CLUH: variants seen among roughly 807,000 people sequenced by gnomAD.
The protein encoded by CLUH is clustered mitochondria protein homolog.
A neutral mutation model predicts 139.3 loss-of-function variants in CLUH; 77 were observed. The ratio of observed to expected loss-of-function variants is 0.55; its 90% confidence interval spans 0.46 to 0.67. The LOEUF is 0.67. CLUH is among the 30% of genes least tolerant of loss of function. The pLI is 0.00. For missense variants in CLUH, 1,876 were observed against 1,875.8 expected (o/e 1.00, Z 0.00); for synonymous variants, 999 against 801.6 (o/e 1.25, Z -4.16).
chr17:2,709,971 C>T (rs1396853117), intron 1 of CLUH, among the ~76,000 whole-genome samples: 1 of 151,756 alleles, frequency 6.6e-6, no homozygotes, highest in East Asian at 1.9e-4. Flanking sequence ...CCCCCCACCC[C>T]CAGCAGAGTT....
rs952288601 is a variant in CLUH at position 2,707,201 on chromosome 17, C to T, written c.101-2637G>A. 7.1e-6 allele frequency: 7 copies of T among 985,314 alleles called. No homozygotes were observed. Among genetic ancestry groups the T allele is most frequent in the African/African-American group, 3.5e-5 (2 of 57,244 alleles). The allele number at this position is 985,314 out of a possible 1,614,324, so 61.0% of individuals were successfully genotyped here. A position where few individuals can be genotyped will look rare whatever the true frequency, so the allele number is the denominator to read the frequency against. On this transcript the variant is annotated intron_variant, in intron 1 of 25. Transcript: ENST00000651024. The surrounding 1 kb of genome is among the most constrained non-coding windows in gnomAD (Gnocchi z 7.4). The stretch of plus-strand genomic sequence containing the variant: ...GTGCAGTTGGCAGCTGCCCTCCCCT[C>T]GGCTCTGGAGTCTCAGGATGGCCGT...
Position 2,707,465 on chromosome 17 carries a change from G to T in CLUH, c.101-2901C>A. ...CGGCTGTGGGCCAGGAGAACCCGGTGGCCCCAGGACCCCAGGGGGAGCTGC... is the reference window on the plus strand; with the variant it reads ...CGGCTGTGGGCCAGGAGAACCCGGTTGCCCCAGGACCCCAGGGGGAGCTGC... On this transcript the variant is annotated intron_variant, in intron 1 of 25. Transcript: ENST00000651024. This position sits in a 1 kb window ranked among gnomAD's most constrained non-coding sequence, Gnocchi z 7.4. The T allele has an allele frequency of 1.0e-6, 1 of 985,408 alleles. No homozygotes were observed. The highest frequency in any genetic ancestry group is 1.2e-6 in the Non-Finnish European group (1 of 829,910). The allele number at this position is 985,408 out of a possible 1,614,324, so 61.0% of individuals were successfully genotyped here.
Position 2,690,564 on chromosome 17 carries a change from C to T in CLUH, c.*30G>A, listed in dbSNP as rs1352134771. On this transcript the variant is annotated 3_prime_UTR_variant, in exon 26 of 26. Transcript: ENST00000651024. ...CAGTCGGGCTCCCTGGTGACGGGGC[C>T]GCTGGCTGGCTGTCCGTCTGGCTCC... is the stretch of plus-strand genomic sequence containing the variant. 10 of 1,422,372 alleles carry T rather than the reference C, an allele frequency of 7.0e-6. No homozygotes were observed. The highest frequency in any genetic ancestry group is 2.9e-5 in the Admixed American group (1 of 34,026). 88.1% of individuals were successfully genotyped at this position (1,422,372 alleles called of 1,614,324 possible).
chr17:2,697,081 G>A, intron 10 of CLUH, 139 bp from the exon 11 acceptor site: 1 of 648,944 alleles, frequency 1.5e-6, no homozygotes, highest in Non-Finnish European at 2.6e-6. Context: ...AGTCAACGCA[G>A]AAAAACCAAG....
chr17:2,702,811 G>A (rs1289300986), intron 3 of CLUH, among the ~76,000 whole-genome samples: 4 of 151,828 alleles, frequency 2.6e-5, no homozygotes, highest in East Asian at 3.9e-4. Flanking sequence ...TTAGAATCAC[G>A]GCTCTGTTCT....
At chr17:2,702,692 G>A (rs368445841) in intron 3 of CLUH, among the ~76,000 whole-genome samples, 1 of 152,098 alleles carries the variant, frequency 6.6e-6, no homozygotes, top group Non-Finnish European at 1.5e-5. Flanking sequence ...CCCCGTGCCC[G>A]ACCTCCCCAC....
At chr17:2,696,690 T>G (rs367931366) in intron 11 of CLUH, 29 bp downstream of exon 11, 1 of 1,606,880 alleles carries the variant, frequency 6.2e-7, no homozygotes, top group Non-Finnish European at 8.5e-7. Context: ...CAGCCCGGGC[T>G]CTCTCCCGGC....
intron 25 of CLUH, 143 bp downstream of exon 25, chr17:2,691,466 G>A (rs2069629768): frequency 1.3e-6 from 1 of 787,792 alleles, no homozygotes; most frequent in Non-Finnish European, 2.1e-6. Context: ...GGAGGCTGAG[G>A]CAGGAGAATC....
chr17:2,701,834 C>T, intron 4 of CLUH, 80 bp downstream of exon 4: 3 of 1,589,204 alleles, frequency 1.9e-6, no homozygotes, highest in Non-Finnish European at 2.6e-6. Context: ...CAGGCCCAGG[C>T]CCCTCGGCCC....
Position 2,704,447 on chromosome 17 carries a change from G to A in CLUH, c.218C>T (p.Thr73Ile). ...AATGACAATGACTTCCTGGCCGGTG[G>A]TCTCATCTCCCGGGCCGGCCTCGTC... ...GLDEAGPGDE[T>I]TGQEVIVIQD... Residue 73 changes from threonine to isoleucine, a missense_variant, in exon 2 of 26, where the codon ACC (threonine) becomes ATC (isoleucine). By Grantham distance (89) the Thr-to-Ile change is moderately conservative. Around this residue, in one of 3 missense-constraint regions of CLUH, gnomAD observed 152 missense variants for 136.7 expected, o/e 1.11. Transcript: ENST00000651024. The surrounding 1 kb of genome is among the most constrained non-coding windows in gnomAD (Gnocchi z 5.7). 6.2e-7 allele frequency: 1 copy of A among 1,608,040 alleles called. No homozygotes were observed. Among genetic ancestry groups the A allele is most frequent in the Non-Finnish European group, 8.5e-7 (1 of 1,177,528 alleles).
Position 2,704,426 on chromosome 17 carries a change from A to C in CLUH, c.239T>G (p.Val80Gly). The C allele has an allele frequency of 6.2e-7, 1 of 1,610,776 alleles. No homozygotes were observed. Among genetic ancestry groups the C allele is most frequent in the South Asian group, 1.1e-5 (1 of 90,170 alleles). ...GDETTGQEVI[V>G]IQDTGFSVKI... ...CACAGAAAAGCCCGTGTCCTGAATG[A>C]CAATGACTTCCTGGCCGGTGGTCTC... is the stretch of plus-strand genomic sequence containing the variant. The change falls in exon 2 of 26, where the codon GTC (valine) becomes GGC (glycine). Residue 80 changes from valine (V) to glycine (G), a missense_variant. This residue lies in a region of CLUH where 152 missense variants were observed against 136.7 expected (regional missense o/e 1.11). Coordinates refer to ENST00000651024, the MANE Select transcript of CLUH (RefSeq NM_001366661.1). The surrounding 1 kb of genome is among the most constrained non-coding windows in gnomAD (Gnocchi z 5.7).
intron 25 of CLUH, among the ~76,000 whole-genome samples, chr17:2,691,205 A>G (rs2069612915): frequency 6.6e-6 from 1 of 152,170 alleles, no homozygotes; most frequent in Non-Finnish European, 1.5e-5. Flanking sequence ...GAAAACGCCA[A>G]GATACTTTGT....
Position 2,698,056 on chromosome 17 carries a change from T to C in CLUH, c.1801A>G (p.Ile601Val), listed in dbSNP as rs773422187. Reference sequence around the variant, plus strand: ...GGGAAGGTGCGCAGCAGGTCGAGGATGTAGTGGCGCCCGTCGTTGCCAATG... The same window carrying C: ...GGGAAGGTGCGCAGCAGGTCGAGGACGTAGTGGCGCCCGTCGTTGCCAATG... ...GIIGNDGRHY[I>V]LDLLRTFPPD... The change falls in exon 10 of 26, where the codon ATC becomes GTC. Residue 601 changes from isoleucine (I) to valine (V), a missense_variant. By Grantham distance (29) the Ile-to-Val change is conservative. This residue lies in a region of CLUH where 1,454 missense variants were observed against 1,384.4 expected (regional missense o/e 1.05). Coordinates refer to ENST00000651024, the MANE Select transcript of CLUH (RefSeq NM_001366661.1). The C allele has an allele frequency of 1.7e-4, 277 of 1,606,670 alleles. No individual in the cohort carries two copies. The highest frequency in any genetic ancestry group is 2.3e-4 in the Non-Finnish European group (270 of 1,179,020).
chr17:2,692,949 C>A (rs757294062), intron 19 of CLUH, 89 bp from the exon 20 acceptor site: 1 of 1,301,214 alleles, frequency 7.7e-7, no homozygotes, highest in East Asian at 2.5e-5. Context: ...CCCACGGTGC[C>A]GCTCTGCAGG....
chr17:2,697,492 C>T (rs570721565), intron 10 of CLUH, among the ~76,000 whole-genome samples: 2 of 152,220 alleles, frequency 1.3e-5, no homozygotes, highest in Admixed American at 1.3e-4. Context: ...TGACAGGAAG[C>T]CACTGGCATT....
intron 1 of CLUH, among the ~76,000 whole-genome samples, chr17:2,709,817 C>G (rs1426621733): frequency 6.6e-6 from 1 of 152,122 alleles, no homozygotes; most frequent in Non-Finnish European, 1.5e-5. Context: ...TCAATAGATC[C>G]GGGCTGGCTG....
intron 19 of CLUH, among the ~76,000 whole-genome samples, chr17:2,693,513 G>A (rs2069799682): frequency 9.5e-6 from 1 of 104,998 alleles, no homozygotes; most frequent in South Asian, 4.2e-4. Flanking sequence ...GGCCAGGCAG[G>A]GCACCCAGAA....
intron 22 of CLUH, 83 bp from the exon 23 acceptor site, chr17:2,692,180 C>T (rs2069716585): frequency 2.0e-6 from 3 of 1,466,594 alleles, no homozygotes; most frequent in Admixed American, 2.0e-5. Flanking sequence ...CGGGGTCTCC[C>T]GTAGATCCCT....
At chr17:2,693,873 C>T in intron 19 of CLUH, 27 bp downstream of exon 19, 4 of 1,589,012 alleles carry the variant, frequency 2.5e-6, no homozygotes, top group Non-Finnish European at 3.4e-6. Context: ...CGAGGCCAGG[C>T]CTTTGCTGCC....
Sources: allele counts gnomAD v4.1 joint callset (sites outside exome capture counted in the v4.1 genomes callset), GRCh38; gene constraint gnomAD v4.1.1; regional missense constraint gnomAD v4.1.1; non-coding constraint Gnocchi (gnomAD v3.1); transcripts MANE v1.5; gene names NCBI Gene and HGNC (gene_info 2026-07-23, HGNC 2026-07-21).